SFT2D2: variants seen among roughly 807,000 people sequenced by gnomAD.
SFT2D2 encodes the protein vesicle transport protein SFT2B.
SFT2D2 carries 21 observed loss-of-function variants against 27.4 expected under a neutral mutation model. That is an observed-to-expected ratio of 0.77 (90% confidence interval 0.54 to 1.10). The LOEUF is 1.10. Among genes scored for constraint, SFT2D2 ranks in the 50% least tolerant of loss-of-function variants. The pLI, the probability that SFT2D2 is intolerant of heterozygous loss-of-function variation, is 0.00. For missense variants in SFT2D2, 187 were observed against 194.2 expected (o/e 0.96, Z 0.22); for synonymous variants, 72 against 71.7 (o/e 1.00, Z -0.02).
Position 168,246,574 on chromosome 1 carries a change from T to C in SFT2D2, c.*4034T>C. 6.6e-7 allele frequency: 1 copy of C among 1,512,730 alleles called. No homozygotes were observed. Among genetic ancestry groups the C allele is most frequent in the East Asian group, 2.4e-5 (1 of 41,782 alleles). 93.7% of individuals were successfully genotyped at this position (1,512,730 alleles called of 1,614,324 possible). A position where few individuals can be genotyped will look rare whatever the true frequency, so the allele number is the denominator to read the frequency against. On this transcript the variant is annotated 3_prime_UTR_variant, in exon 8 of 8. Coordinates refer to ENST00000271375, the MANE Select transcript of SFT2D2 (RefSeq NM_199344.3). ...AAGTTGCTGAGAAAGAATCAGAACATGAGAATTCAAATTTTCCTGTAAATG... is the reference window on the plus strand; with the variant it reads ...AAGTTGCTGAGAAAGAATCAGAACACGAGAATTCAAATTTTCCTGTAAATG...
intron 3 of SFT2D2, among the ~76,000 whole-genome samples, chr1:168,233,814 G>A (rs1647402199): frequency 6.6e-6 from 1 of 152,048 alleles, no homozygotes; most frequent in African/African-American, 2.4e-5. Flanking sequence ...TATTTTCAGG[G>A]TATTTGGGAG....
intron 1 of SFT2D2, among the ~76,000 whole-genome samples, chr1:168,230,251 C>G (rs1700498682): frequency 1.3e-5 from 2 of 152,160 alleles, no homozygotes; most frequent in South Asian, 4.1e-4. Context: ...CTGCCACTAC[C>G]TACCTTCTTC....
Position 168,231,523 on chromosome 1 carries a change from G to A in SFT2D2, c.73G>A (p.Ala25Thr). The change falls in exon 2 of 8, where the codon GCA (alanine) becomes ACA (threonine). Residue 25 changes from alanine (A) to threonine (T), a missense_variant. By Grantham distance (58) the Ala-to-Thr change is moderately conservative. Coordinates refer to ENST00000271375, the MANE Select transcript of SFT2D2 (RefSeq NM_199344.3). ...DRSGLSEVVE[A>T]SSLSWSTRIK... is the part of the protein sequence containing the mutation. The stretch of plus-strand genomic sequence containing the variant: ...TTTTTTTCAATTTTAGGTTGTTGAG[G>A]CATCTTCATTAAGCTGGAGTACCAG... 1 of 1,613,576 alleles carries A rather than the reference G, an allele frequency of 6.2e-7. No individual in the cohort carries two copies. The highest frequency in any genetic ancestry group is 2.2e-5 in the East Asian group (1 of 44,880).
chr1:168,227,069 C>A (rs1700469802), intron 1 of SFT2D2, among the ~76,000 whole-genome samples: 1 of 152,178 alleles, frequency 6.6e-6, no homozygotes, highest in Admixed American at 6.5e-5. Context: ...ATCCGCCCAC[C>A]TCTGCCTCCC....
At chr1:168,237,618 G>A (rs1442257596) in intron 6 of SFT2D2, among the ~76,000 whole-genome samples, 5 of 152,172 alleles carry the variant, frequency 3.3e-5, no homozygotes, top group Non-Finnish European at 7.3e-5. Flanking sequence ...AAAGAAAGGA[G>A]GATTGTGGAC....
chr1:168,249,483 GC>G lies in SFT2D2; in HGVS notation c.*6945del, dbSNP rs1370421748. 5.7e-4 allele frequency: 87 copies of G among 152,794 alleles called. No individual in the cohort carries two copies. The highest frequency in any genetic ancestry group is 1.7e-3 in the African/African-American group (70 of 41,568). 9.5% of individuals were successfully genotyped at this position (152,794 alleles called of 1,614,324 possible). On this transcript the variant is annotated 3_prime_UTR_variant, in exon 8 of 8. Transcript: ENST00000271375. ...ACTCCTGACCTCAAGTGATCCTCCT[GC>G]CTCGGCCTCCCAAAGTGCTGGGATT...
In SFT2D2 at chr1:168,252,323, T is replaced by G. The variant is rs1311639788; in HGVS notation, c.*9783T>G. On this transcript the variant is annotated 3_prime_UTR_variant, in exon 8 of 8. Transcript: ENST00000271375. ...ACAAAAGGACAACTGGTCCCCGATA[T>G]AAATGGACTAGCTACCTGGACATAA... The G allele has an allele frequency of 6.6e-6, 1 of 152,218 alleles. No individual in the cohort carries two copies. Among genetic ancestry groups the G allele is most frequent in the Non-Finnish European group, 1.5e-5 (1 of 68,040 alleles). The allele number at this position is 152,218 out of a possible 1,614,324, so 9.4% of individuals were successfully genotyped here.
At chr1:168,236,505 G>A in intron 4 of SFT2D2, 84 bp from the exon 5 acceptor site, 1 of 1,350,134 alleles carries the variant, frequency 7.4e-7, no homozygotes, top group Non-Finnish European at 1.0e-6. Flanking sequence ...TAAGTTTTGT[G>A]CATTTGTGAA....
chr1:168,226,475 G>T lies in SFT2D2; in HGVS notation c.63+333G>T, dbSNP rs902324036. On this transcript the variant is annotated intron_variant, in intron 1 of 7. Transcript: ENST00000271375. ...GGCCGGGGAATGCGCTTTAGGGCCG[G>T]GTAGGGCTGGGGGCCCCGAGGTCCA... Among the ~76,000 whole-genome samples, 6 of 152,306 alleles carry T rather than the reference G, an allele frequency of 3.9e-5. No individual in the cohort carries two copies. The East Asian group carries it at 9.7e-4, about 25-fold the overall frequency.
Position 168,232,337 on chromosome 1 carries a change from G to A in SFT2D2, c.236+418G>A, listed in dbSNP as rs9662533. 8.9e-3 allele frequency among the ~76,000 whole-genome samples: 1,357 copies of A among 152,306 alleles called. 22 individuals carry two copies. Among genetic ancestry groups the A allele is most frequent in the African/African-American group, 0.031 (1,271 of 41,562 alleles). On this transcript the variant is annotated intron_variant, in intron 3 of 7. Coordinates refer to ENST00000271375, the MANE Select transcript of SFT2D2 (RefSeq NM_199344.3). ...TTCCCAGACCTGAGTAGCAGCTCATGTGGGCAGGGCATCTGAGCGCTTCCT... is the reference window on the plus strand; with the variant it reads ...TTCCCAGACCTGAGTAGCAGCTCATATGGGCAGGGCATCTGAGCGCTTCCT...
rs1265493701 is a variant in SFT2D2, at chr1:168,248,317, A to G, written c.*5777A>G. The G allele has an allele frequency of 6.6e-6, 1 of 152,026 alleles. No individual in the cohort carries two copies. The highest frequency in any genetic ancestry group is 1.5e-5 in the Non-Finnish European group (1 of 68,036). The allele number at this position is 152,026 out of a possible 1,614,324, so 9.4% of individuals were successfully genotyped here. Reference sequence around the variant, plus strand: ...TATGGTTTTGGGTCTTACGTTTAAGACTTCCTCTTTTCCTAATTGAATACC... The same window carrying G: ...TATGGTTTTGGGTCTTACGTTTAAGGCTTCCTCTTTTCCTAATTGAATACC... On this transcript the variant is annotated 3_prime_UTR_variant, in exon 8 of 8. Coordinates refer to ENST00000271375, the MANE Select transcript of SFT2D2 (RefSeq NM_199344.3).
rs959361316 is a variant in SFT2D2 at position 168,242,608 on chromosome 1, A to G, written c.*68A>G. The G allele has an allele frequency of 3.4e-5, 54 of 1,572,318 alleles. No individual in the cohort carries two copies. Among genetic ancestry groups the G allele is most frequent in the East Asian group, 2.0e-4 (9 of 44,680 alleles). On this transcript the variant is annotated 3_prime_UTR_variant, in exon 8 of 8. Coordinates refer to ENST00000271375, the MANE Select transcript of SFT2D2 (RefSeq NM_199344.3). ...GAAGCTGGTGGACAGTTTTGTAACT[A>G]TCTTCGAAACCTCTGTCTTACAGAC...
chr1:168,238,113 C>CA (rs1647554124), intron 6 of SFT2D2, among the ~76,000 whole-genome samples: 1 of 152,136 alleles, frequency 6.6e-6, no homozygotes, highest in African/African-American at 2.4e-5. Context: ...CACACAGTGC[C>CA]TGGTTCTTTA....
Position 168,231,848 on chromosome 1 carries a change from G to T in SFT2D2, c.165G>T (p.Leu55=), listed in dbSNP as rs1647325698. 1 of 1,614,172 alleles carries T rather than the reference G, an allele frequency of 6.2e-7. No homozygotes were observed. ...ILCSLLGTVL[L]WVPRKGLHLF... ...TTAAATTCCAGGGTACTGTTCTGCT[G>T]TGGGTGCCCAGGAAGGGACTACACC... The change falls in exon 3 of 8, where the codon CTG becomes CTT. Residue 55 remains leucine (L), a synonymous_variant. Coordinates refer to ENST00000271375, the MANE Select transcript of SFT2D2 (RefSeq NM_199344.3).
chr1:168,246,404 G>C lies in SFT2D2; in HGVS notation c.*3864G>C. 1.3e-6 allele frequency: 1 copy of C among 796,484 alleles called. No homozygotes were observed. 49.3% of individuals were successfully genotyped at this position (796,484 alleles called of 1,614,324 possible). A position where few individuals can be genotyped will look rare whatever the true frequency, so the allele number is the denominator to read the frequency against. On this transcript the variant is annotated 3_prime_UTR_variant, in exon 8 of 8. Transcript: ENST00000271375. ...TTTCTACTTTATCTTGGCCACTTGT[G>C]TACATTTTTTCAATGTCCTTCATTT...
Position 168,243,297 on chromosome 1 carries a change from C to G in SFT2D2, c.*757C>G, listed in dbSNP as rs1647703018. On this transcript the variant is annotated 3_prime_UTR_variant, in exon 8 of 8. Coordinates refer to ENST00000271375, the MANE Select transcript of SFT2D2 (RefSeq NM_199344.3). ...AAGAACAGAGCAGCAGCAGAAAATG[C>G]TGCTGTTTTTTTTTTGGACGAGAGC... is the stretch of plus-strand genomic sequence containing the variant. The G allele has an allele frequency of 9.4e-6, 1 of 106,740 alleles. No homozygotes were observed. Among genetic ancestry groups the G allele is most frequent in the Non-Finnish European group, 2.4e-5 (1 of 42,326 alleles). The allele number at this position is 106,740 out of a possible 1,614,324, so 6.6% of individuals were successfully genotyped here.
chr1:168,244,489 T>G lies in SFT2D2; in HGVS notation c.*1949T>G, dbSNP rs1647750146. 1 of 152,468 alleles carries G rather than the reference T, an allele frequency of 6.6e-6. No individual in the cohort carries two copies. The highest frequency in any genetic ancestry group is 6.5e-5 in the Admixed American group (1 of 15,272). 9.4% of individuals were successfully genotyped at this position (152,468 alleles called of 1,614,324 possible). ...CCACTGTGCCCTGCTGATCTTTTCT[T>G]CTGAGGCTGGGGAGGTGTGAACAAG... On this transcript the variant is annotated 3_prime_UTR_variant, in exon 8 of 8. Transcript: ENST00000271375.
In SFT2D2 at chr1:168,247,760, A is replaced by C. The variant is rs1234433933; in HGVS notation, c.*5220A>C. 6.6e-6 allele frequency: 1 copy of C among 152,204 alleles called. No homozygotes were observed. Among genetic ancestry groups the C allele is most frequent in the Non-Finnish European group, 1.5e-5 (1 of 68,044 alleles). The allele number at this position is 152,204 out of a possible 1,614,324, so 9.4% of individuals were successfully genotyped here. A position where few individuals can be genotyped will look rare whatever the true frequency, so the allele number is the denominator to read the frequency against. ...TTGAGGAATCGCCACACTGTCTTTC[A>C]CAATGGTTGAACTAATTTACACTCC... On this transcript the variant is annotated 3_prime_UTR_variant, in exon 8 of 8. Transcript: ENST00000271375.
chr1:168,227,206 G>T (rs1463650984), intron 1 of SFT2D2, among the ~76,000 whole-genome samples: 2 of 152,188 alleles, frequency 1.3e-5, no homozygotes, highest in South Asian at 2.1e-4. Context: ...TCTATTTAGG[G>T]TGCTTTTAGC....
Sources: gnomAD v4.1 joint callset for allele counts (sites outside exome capture counted in the v4.1 genomes callset) on GRCh38, gnomAD v4.1.1 for gene constraint, MANE v1.5 for transcripts, NCBI Gene and HGNC (gene_info 2026-07-23, HGNC 2026-07-21) for gene names.